The following LBH variants were observed in gnomAD, a reference collection of about 807,000 sequenced individuals.
LBH encodes LBH regulator of Wnt signaling pathway, also known as protein LBH.
LBH carries 7 observed loss-of-function variants against 12.5 expected under a neutral mutation model. That is an observed-to-expected ratio of 0.56 (90% CI 0.32 to 1.05). The LOEUF (loss-of-function observed/expected upper bound fraction) is 1.05. Among genes scored for constraint, LBH ranks in the 50% least tolerant of loss-of-function variants. The pLI is 0.04. For synonymous variants in LBH, 51 were observed against 50.1 expected (o/e 1.02, Z -0.08); for missense variants, 119 against 138.9 (o/e 0.86, Z 0.72).
chr2:30,258,299 C>T lies in LBH; in HGVS notation c.*678C>T, dbSNP rs1678121941. On this transcript the variant is annotated 3_prime_UTR_variant, in exon 3 of 3. Transcript: ENST00000395323. Reference sequence around the variant, plus strand: ...GAAGTGCAGGAAAGGAAAGGTCACCCCATTCTACTCCATGGCCTCTCTGCT... The same window carrying T: ...GAAGTGCAGGAAAGGAAAGGTCACCTCATTCTACTCCATGGCCTCTCTGCT... The T allele has an allele frequency of 1.3e-5, 2 of 152,418 alleles. No homozygotes were observed. Among genetic ancestry groups the T allele is most frequent in the African/African-American group, 2.4e-5 (1 of 41,436 alleles). The allele number at this position is 152,418 out of a possible 1,614,324, so 9.4% of individuals were successfully genotyped here.
At chr2:30,234,611 TG>T (rs762737988) in intron 2 of LBH, 104 bp downstream of exon 2, 1 of 751,910 alleles carries the variant, frequency 1.3e-6, no homozygotes, top group Non-Finnish European at 2.3e-6. Flanking sequence ...ATAAGAGCTG[TG>T]GGACTGTGGC....
chr2:30,250,570 G>T (rs1171594606), intron 2 of LBH, among the ~76,000 whole-genome samples: 2 of 151,248 alleles, frequency 1.3e-5, no homozygotes, highest in African/African-American at 4.9e-5. Context: ...CATGCCAGGT[G>T]CCAGGCATCT....
intron 1 of LBH, 95 bp from the exon 2 acceptor site, chr2:30,234,310 A>T: frequency 1.0e-6 from 1 of 968,360 alleles, no homozygotes; most frequent in Non-Finnish European, 1.7e-6. Context: ...TCCTGTCTCC[A>T]GACAGTCCCC....
intron 1 of LBH, 140 bp downstream of exon 1, chr2:30,231,904 A>T: frequency 3.1e-6 from 1 of 326,046 alleles, no homozygotes; most frequent in Non-Finnish European, 4.5e-6. Flanking sequence ...GAGCCCGTGC[A>T]GGAGTCAACG....
At chr2:30,252,467 A>C (rs537901220) in intron 2 of LBH, among the ~76,000 whole-genome samples, 16 of 152,178 alleles carry the variant, frequency 1.1e-4, no homozygotes, top group East Asian at 5.8e-4. Context: ...TTGAGACCAT[A>C]CTGGCTAACA....
intron 2 of LBH, among the ~76,000 whole-genome samples, chr2:30,243,515 G>A (rs1458623431): frequency 1.3e-5 from 2 of 150,338 alleles, no homozygotes; most frequent in African/African-American, 4.9e-5. Context: ...AATTAAGGAT[G>A]GGCTGGACTC....
chr2:30,256,254 A>G (rs975222599), intron 2 of LBH, among the ~76,000 whole-genome samples: 3 of 152,224 alleles, frequency 2.0e-5, no homozygotes, highest in East Asian at 3.8e-4. Context: ...TGGGCAGGAC[A>G]CAAAGTAGGC....
intron 2 of LBH, among the ~76,000 whole-genome samples, chr2:30,247,033 C>G (rs1001013248): frequency 1.3e-5 from 2 of 151,992 alleles, no homozygotes; most frequent in African/African-American, 4.8e-5. Flanking sequence ...GTTGCCCAGG[C>G]TTGTCTTGAA....
In LBH at chr2:30,257,458, A is replaced by G. The variant is rs1421101161; in HGVS notation, c.155A>G (p.Asp52Gly). The change falls in exon 3 of 3, where the codon GAC becomes GGC. Residue 52 changes from aspartate (D) to glycine (G), a missense_variant. Transcript: ENST00000395323. ...YQIFPDPSDF[D>G]RCCKLKDRLP... ...ATCTTCCCAGACCCGTCAGATTTTG[A>G]CCGCTGCTGCAAACTGAAGGACCGT... 1 of 1,614,048 alleles carries G rather than the reference A, an allele frequency of 6.2e-7. No individual in the cohort carries two copies. Among genetic ancestry groups the G allele is most frequent in the Non-Finnish European group, 8.5e-7 (1 of 1,179,946 alleles).
intron 2 of LBH, among the ~76,000 whole-genome samples, chr2:30,249,741 C>A (rs1677945696): frequency 6.6e-6 from 1 of 152,238 alleles, no homozygotes; most frequent in Admixed American, 6.5e-5. Flanking sequence ...CCCCTTGGTT[C>A]CTCACTCTAA....
In LBH at chr2:30,231,842, C is replaced by G. The variant is rs1677590538; in HGVS notation, c.26+78C>G. 1.4e-5 allele frequency: 19 copies of G among 1,357,792 alleles called. No individual in the cohort carries two copies. The African/African-American group carries it at 1.7e-4, about 12-fold the overall frequency. The allele number at this position is 1,357,792 out of a possible 1,614,324, so 84.1% of individuals were successfully genotyped here. ...CCCGGGCGCCTGCTTCGTGCCGGCT[C>G]CGGGTGCGAGGGCAGCCGGCGGCGC... is the stretch of plus-strand genomic sequence containing the variant. On this transcript the variant is annotated intron_variant, in intron 1 of 2. Coordinates refer to ENST00000395323, the MANE Select transcript of LBH (RefSeq NM_030915.4).
chr2:30,240,476 G>T (rs1677772755), intron 2 of LBH, among the ~76,000 whole-genome samples: 1 of 152,170 alleles, frequency 6.6e-6, no homozygotes, highest in African/African-American at 2.4e-5. Flanking sequence ...ACAGGGCGTA[G>T]ACTTGCTGGG....
chr2:30,234,457 C>T lies in LBH; in HGVS notation c.79C>T (p.Pro27Ser), dbSNP rs1677649718. The T allele has an allele frequency of 6.2e-7, 1 of 1,614,146 alleles. No homozygotes were observed. Among genetic ancestry groups the T allele is most frequent in the East Asian group, 2.2e-5 (1 of 44,880 alleles). Residue 27 changes from proline (P) to serine (S), a missense_variant, in exon 2 of 3, where the codon CCC becomes TCC. Physicochemically the swap from Pro to Ser is moderately conservative, Grantham distance 74. Transcript: ENST00000395323. Reference protein sequence around the residue: ...KMTEVMMNTQPMEEIGLSPRK... With the variant: ...KMTEVMMNTQSMEEIGLSPRK... Reference sequence around the variant, plus strand: ...GACTGAGGTGATGATGAACACCCAGCCCATGGAGGAGATCGGCCTCAGCCC... The same window carrying T: ...GACTGAGGTGATGATGAACACCCAGTCCATGGAGGAGATCGGCCTCAGCCC...
intron 2 of LBH, among the ~76,000 whole-genome samples, chr2:30,236,911 ACCCCTGGGCTTG>A (rs1233447915): frequency 4.0e-5 from 6 of 149,746 alleles, no homozygotes; most frequent in African/African-American, 9.7e-5. Context: ...ACCTTCAGAT[ACCCCTGGGCTTG>A]CCCCTGTTTA....
At chr2:30,234,256 G>GT in intron 1 of LBH, 149 bp from the exon 2 acceptor site, 2 of 648,632 alleles carry the variant, frequency 3.1e-6, no homozygotes, top group Non-Finnish European at 5.6e-6. Context: ...CTTCCTCAGG[G>GT]TGTGAGCTTG....
At chr2:30,242,431 A>G (rs1483455111) in intron 2 of LBH, among the ~76,000 whole-genome samples, 4 of 151,896 alleles carry the variant, frequency 2.6e-5, no homozygotes, top group African/African-American at 9.7e-5. Flanking sequence ...TTTAGTAGAG[A>G]CGGGGTTTTG....
chr2:30,240,912 A>G (rs779162936), intron 2 of LBH, among the ~76,000 whole-genome samples: 12 of 152,232 alleles, frequency 7.9e-5, no homozygotes, highest in Non-Finnish European at 1.5e-4. Flanking sequence ...TGGATTTCTC[A>G]CATAAAATGG....
At chr2:30,249,789 C>T (rs548043902) in intron 2 of LBH, among the ~76,000 whole-genome samples, 1 of 152,306 alleles carries the variant, frequency 6.6e-6, no homozygotes, top group South Asian at 2.1e-4. Context: ...TAGTAAGAAC[C>T]ATCATTAGGA....
chr2:30,248,585 G>A (rs532695295), intron 2 of LBH, among the ~76,000 whole-genome samples: 19 of 152,312 alleles, frequency 1.2e-4, no homozygotes, highest in African/African-American at 2.4e-5. Context: ...AGAGACGGAT[G>A]TGCCACCCAC....
Sources: gnomAD v4.1 joint callset for allele counts (sites outside exome capture counted in the v4.1 genomes callset) on GRCh38, gnomAD v4.1.1 for gene constraint, MANE v1.5 for transcripts, NCBI Gene and HGNC (gene_info 2026-07-23, HGNC 2026-07-21) for gene names.